The following MYO3A variants were observed in gnomAD, a reference collection of about 807,000 sequenced individuals.
The protein encoded by MYO3A is myosin-IIIa.
In MYO3A, 180 loss-of-function variants were observed where a neutral mutation model predicts 192.7. The observed-to-expected ratio is 0.93, with a 90% confidence interval of 0.83 to 1.06. The LOEUF (loss-of-function observed/expected upper bound fraction) is 1.06, where lower values mean the gene tolerates loss of function less well. Among genes scored for constraint, MYO3A ranks in the 50% least tolerant of loss-of-function variants. The pLI, the probability that MYO3A is intolerant of heterozygous loss-of-function variation, is 0.00. For synonymous variants in MYO3A, 628 were observed against 645.3 expected (o/e 0.97, Z 0.41); for missense variants, 1,896 against 1,905.0 (o/e 1.00, Z 0.09).
At chr10:26,206,674 C>T (rs370724857) in intron 34 of MYO3A, among the ~76,000 whole-genome samples, 14 of 150,616 alleles carry the variant, frequency 9.3e-5, no homozygotes, top group African/African-American at 3.2e-4. Flanking sequence ...GTCTCAAACT[C>T]CTGACCTCAG....
intron 25 of MYO3A, among the ~76,000 whole-genome samples, chr10:26,156,788 T>C (rs1004794): frequency 0.84 from 127,712 of 152,160 alleles, 54,032 homozygotes; most frequent in East Asian, 0.95. Flanking sequence ...TATTTCATCA[T>C]GCAGGTATTA....
chr10:25,986,936 G>A (rs988544829), intron 4 of MYO3A, among the ~76,000 whole-genome samples: 5 of 152,036 alleles, frequency 3.3e-5, no homozygotes, highest in Admixed American at 2.6e-4. Context: ...AAATCTGGAG[G>A]CATCACATTA....
At chr10:26,045,752 C>T (rs1405618963) in intron 10 of MYO3A, among the ~76,000 whole-genome samples, 2 of 152,188 alleles carry the variant, frequency 1.3e-5, no homozygotes, top group African/African-American at 2.4e-5. Context: ...TCTTTACCCA[C>T]CTTTCTGTCT....
rs760030883 is a variant in MYO3A, at chr10:26,088,206, A to G, written c.1363A>G (p.Asn455Asp). Residue 455 changes from asparagine to aspartate, a missense_variant, in exon 15 of 35, where the codon AAT becomes GAT. By Grantham distance (23) the Asn-to-Asp change is conservative. Transcript: ENST00000642920. ...TATCTTAATATTTTCTATTTAGGCT[A>G]ATAACAGAACCTTGCAAGAGAAGAT... ...VQQLTVLGKA[N>D]NRTLQEKILQ... 3 of 1,601,206 alleles carry G rather than the reference A, an allele frequency of 1.9e-6. No homozygotes were observed. In the South Asian group the frequency reaches 3.4e-5, roughly 18 times the overall value.
chr10:26,154,703 A>G, intron 24 of MYO3A, 43 bp from the exon 25 acceptor site: 2 of 1,560,866 alleles, frequency 1.3e-6, no homozygotes, highest in Non-Finnish European at 1.8e-6. Flanking sequence ...ATAATAAAGT[A>G]CAATAGATAC....
intron 6 of MYO3A, among the ~76,000 whole-genome samples, chr10:25,998,874 G>A (rs1424526345): frequency 6.6e-6 from 1 of 151,928 alleles, no homozygotes; most frequent in Non-Finnish European, 1.5e-5. Context: ...AACAAATAAG[G>A]CAACCTTTTA....
At chr10:25,976,424 A>G (rs1349689194) in intron 4 of MYO3A, among the ~76,000 whole-genome samples, 1 of 152,198 alleles carries the variant, frequency 6.6e-6, no homozygotes, top group Non-Finnish European at 1.5e-5. Flanking sequence ...AATAAACAAA[A>G]AACAATTGAA....
At chr10:26,080,422 C>G (rs529940536) in intron 14 of MYO3A, among the ~76,000 whole-genome samples, 1 of 151,846 alleles carries the variant, frequency 6.6e-6, no homozygotes, top group South Asian at 2.1e-4. Context: ...ATATTTCTCC[C>G]TTCACTTCTT....
At position 26,145,430 on chromosome 10, in the gene MYO3A, C is replaced by T. The variant is rs1840404229; in HGVS notation, c.2417-16C>T. On this transcript the variant is annotated splice_polypyrimidine_tract_variant and intron_variant, in intron 21 of 34. Transcript: ENST00000642920. ...CTCATACATGCTTGATATTTGAGTT[C>T]AGTATTTTTCTACAGAAAAATTTGA... 1 of 1,502,822 alleles carries T rather than the reference C, an allele frequency of 6.7e-7. No homozygotes were observed. The highest frequency in any genetic ancestry group is 9.3e-7 in the Non-Finnish European group (1 of 1,079,156). The allele number at this position is 1,502,822 out of a possible 1,614,324, so 93.1% of individuals were successfully genotyped here. A position where few individuals can be genotyped will look rare whatever the true frequency, so the allele number is the denominator to read the frequency against.
At chr10:26,020,095 T>G (rs1324877960) in intron 7 of MYO3A, among the ~76,000 whole-genome samples, 1 of 152,244 alleles carries the variant, frequency 6.6e-6, no homozygotes, top group East Asian at 1.9e-4. Context: ...TAATTTATTA[T>G]TGTCCTTCAG....
At chr10:26,160,489 T>A (rs1841432527) in intron 26 of MYO3A, among the ~76,000 whole-genome samples, 1 of 151,974 alleles carries the variant, frequency 6.6e-6, no homozygotes, top group South Asian at 2.1e-4. Flanking sequence ...AAAACAATTT[T>A]TTTTAATTAG....
At chr10:25,983,553 A>G (rs559429580) in intron 4 of MYO3A, among the ~76,000 whole-genome samples, 75 of 152,280 alleles carry the variant, frequency 4.9e-4, no homozygotes, top group African/African-American at 1.8e-3. Flanking sequence ...CACTGCACCC[A>G]GCCAGAAAAA....
At chr10:26,062,735 G>A (rs1369080382) in intron 10 of MYO3A, among the ~76,000 whole-genome samples, 1 of 152,060 alleles carries the variant, frequency 6.6e-6, no homozygotes, top group African/African-American at 2.4e-5. Flanking sequence ...TGAGAATATG[G>A]ATCTGTGGAA....
At chr10:26,110,805 T>G (rs922372427) in intron 17 of MYO3A, among the ~76,000 whole-genome samples, 16 of 152,096 alleles carry the variant, frequency 1.1e-4, no homozygotes, top group African/African-American at 3.9e-4. Flanking sequence ...GTCTGAACTG[T>G]AGGACCTGGA....
Position 26,016,844 on chromosome 10 carries a change from C to A in MYO3A, c.533C>A (p.Thr178Asn), listed in dbSNP as rs33968748. 2.5e-6 allele frequency: 4 copies of A among 1,614,156 alleles called. No individual in the cohort carries two copies. Among genetic ancestry groups the A allele is most frequent in the Non-Finnish European group, 3.4e-6 (4 of 1,180,018 alleles). Residue 178 changes from threonine to asparagine, a missense_variant, in exon 7 of 35, where the codon ACC becomes AAC. Physicochemically the swap from Thr to Asn is moderately conservative, Grantham distance 65 (BLOSUM62 0). Transcript: ENST00000642920. ...GGTGTGTCTGCACAGCTCACCAGTA[C>A]CCGGCACCGTCGGAACACATCCGTA... is the stretch of plus-strand genomic sequence containing the variant. Reference protein sequence around the residue: ...DFGVSAQLTSTRHRRNTSVGT... With the variant: ...DFGVSAQLTSNRHRRNTSVGT...
chr10:25,993,560 G>A (rs1292365100), intron 4 of MYO3A, among the ~76,000 whole-genome samples: 2 of 152,094 alleles, frequency 1.3e-5, no homozygotes, highest in African/African-American at 4.8e-5. Flanking sequence ...GCTAGCTTTT[G>A]AATGTGTTTG....
At chr10:26,148,722 T>G (rs1840617560) in intron 23 of MYO3A, among the ~76,000 whole-genome samples, 1 of 152,232 alleles carries the variant, frequency 6.6e-6, no homozygotes, top group Non-Finnish European at 1.5e-5. Context: ...TTTGCCAAAT[T>G]ATCTGCTAGT....
chr10:26,188,416 C>T (rs1378229584), intron 31 of MYO3A, among the ~76,000 whole-genome samples: 1 of 152,078 alleles, frequency 6.6e-6, no homozygotes, highest in Non-Finnish European at 1.5e-5. Flanking sequence ...GAGTAGATTG[C>T]AAAAATTTTC....
chr10:25,952,118 C>T lies in MYO3A; in HGVS notation c.8C>T (p.Pro3Leu). The T allele has an allele frequency of 6.2e-7, 1 of 1,610,142 alleles. No individual in the cohort carries two copies. The highest frequency in any genetic ancestry group is 8.5e-7 in the Non-Finnish European group (1 of 1,177,256). The change falls in exon 3 of 35, where the codon CCA becomes CTA. Residue 3 changes from proline to leucine, a missense_variant. By Grantham distance (98) the Pro-to-Leu change is moderately conservative (BLOSUM62 -3). Transcript: ENST00000642920. ...GGTTTTTAAACCTTTGAGATGTTTC[C>T]ATTAATTGGAAAAACAATCATCTTT... The part of the protein sequence containing the change: MF[P>L]LIGKTIIFDN...
Sources: gnomAD v4.1 joint callset for allele counts (sites outside exome capture counted in the v4.1 genomes callset) on GRCh38, gnomAD v4.1.1 for gene constraint, MANE v1.5 for transcripts, NCBI Gene and HGNC (gene_info 2026-07-23, HGNC 2026-07-21) for gene names.